Variants in CACNA2D3 observed in about 807,000 individuals in gnomAD.
The protein encoded by CACNA2D3 is voltage-dependent calcium channel subunit alpha-2/delta-3.
A neutral mutation model predicts 160.6 loss-of-function variants in CACNA2D3; 60 were observed. That is an observed-to-expected ratio of 0.37 (90% confidence interval 0.30 to 0.46). CACNA2D3 has a LOEUF of 0.46. Among genes scored for constraint, CACNA2D3 ranks in the 20% least tolerant of loss-of-function variants. The pLI is 1.00. For missense variants in CACNA2D3, 1,205 were observed against 1,365.0 expected (o/e 0.88, Z 1.85); for synonymous variants, 558 against 492.9 (o/e 1.13, Z -1.75).
chr3:54,814,644 G>T lies in CACNA2D3; in HGVS notation c.1381-2209G>T, dbSNP rs72874273. On this transcript the variant is annotated intron_variant, in intron 13 of 37. Coordinates refer to ENST00000474759, the MANE Select transcript of CACNA2D3 (RefSeq NM_018398.3). ...AGTAGGAAAGTTGCTCTTTGTTCTCGTAAGTTATTTCTTGAGGAAAATATA... is the reference window on the plus strand; with the variant it reads ...AGTAGGAAAGTTGCTCTTTGTTCTCTTAAGTTATTTCTTGAGGAAAATATA... Among the ~76,000 whole-genome samples, 147 of 152,316 alleles carry T rather than the reference G, an allele frequency of 9.7e-4. 1 individual carries two copies. The highest frequency in any genetic ancestry group is 3.5e-3 in the African/African-American group (146 of 41,574).
At chr3:54,962,914 A>T (rs139039835) in intron 27 of CACNA2D3, among the ~76,000 whole-genome samples, 321 of 152,320 alleles carry the variant, frequency 2.1e-3, no homozygotes, top group African/African-American at 7.2e-3. Context: ...ATTATTTCTA[A>T]ATGAATACGA....
At chr3:54,573,265 A>G (rs183316891) in intron 8 of CACNA2D3, among the ~76,000 whole-genome samples, 7 of 152,342 alleles carry the variant, frequency 4.6e-5, no homozygotes, top group African/African-American at 7.2e-5. Context: ...TGGATAAGAG[A>G]ATGGATCAGA....
intron 2 of CACNA2D3, among the ~76,000 whole-genome samples, chr3:54,196,455 G>A (rs1049653953): frequency 1.3e-5 from 2 of 152,124 alleles, no homozygotes; most frequent in Admixed American, 1.3e-4. Flanking sequence ...ACTTGAGTCT[G>A]GAAAGCCTTT....
chr3:54,870,132 G>A (rs1308949330), intron 17 of CACNA2D3, among the ~76,000 whole-genome samples: 3 of 152,154 alleles, frequency 2.0e-5, no homozygotes, highest in Non-Finnish European at 4.4e-5. Flanking sequence ...AGAAAAGAGT[G>A]CATGCGTGGA....
At chr3:54,961,395 A>G (rs1261176795) in intron 27 of CACNA2D3, among the ~76,000 whole-genome samples, 2 of 152,218 alleles carry the variant, frequency 1.3e-5, no homozygotes, top group Admixed American at 6.5e-5. Flanking sequence ...GATGAAATAT[A>G]TGGGAAATCC....
At chr3:54,509,688 C>T (rs1163750095) in intron 5 of CACNA2D3, among the ~76,000 whole-genome samples, 1 of 152,130 alleles carries the variant, frequency 6.6e-6, no homozygotes, top group African/African-American at 2.4e-5. Flanking sequence ...GCAATATGAG[C>T]ATAATAGGAC....
At chr3:54,367,807 T>C (rs1698852313) in intron 3 of CACNA2D3, among the ~76,000 whole-genome samples, 1 of 152,206 alleles carries the variant, frequency 6.6e-6, no homozygotes, top group Non-Finnish European at 1.5e-5. Context: ...TTGGACTTTT[T>C]AACACTCGTT....
At chr3:54,205,178 C>T (rs1214234706) in intron 2 of CACNA2D3, among the ~76,000 whole-genome samples, 1 of 152,094 alleles carries the variant, frequency 6.6e-6, no homozygotes, top group Non-Finnish European at 1.5e-5. Context: ...AAAGTTATCA[C>T]AGATATAAAA....
intron 9 of CACNA2D3, among the ~76,000 whole-genome samples, chr3:54,617,818 A>G (rs551590596): frequency 8.5e-4 from 130 of 152,242 alleles, no homozygotes; most frequent in African/African-American, 3.0e-3. Flanking sequence ...GCCAGGAGAT[A>G]CAATAGAGAA....
At chr3:54,427,388 C>G (rs1408796716) in intron 4 of CACNA2D3, among the ~76,000 whole-genome samples, 5 of 152,066 alleles carry the variant, frequency 3.3e-5, no homozygotes, top group Non-Finnish European at 7.3e-5. Flanking sequence ...GGGAGGGCCT[C>G]AGCATCATGC....
intron 27 of CACNA2D3, 98 bp downstream of exon 27, chr3:54,899,966 G>A: frequency 1.2e-6 from 1 of 816,880 alleles, no homozygotes; most frequent in Non-Finnish European, 2.0e-6. Context: ...CCTCCAAAAA[G>A]GTTTTCAAAG....
chr3:54,751,223 C>G (rs1432021177), intron 11 of CACNA2D3, among the ~76,000 whole-genome samples: 1 of 152,118 alleles, frequency 6.6e-6, no homozygotes, highest in Non-Finnish European at 1.5e-5. Context: ...TGTCTGCCTG[C>G]CCATCCACCC....
chr3:54,227,328 A>T (rs1019185534), intron 2 of CACNA2D3, among the ~76,000 whole-genome samples: 2 of 152,100 alleles, frequency 1.3e-5, no homozygotes, highest in Admixed American at 1.3e-4. Flanking sequence ...GGGATAAGCT[A>T]TTAGGCCACA....
At chr3:54,711,400 G>A (rs968284458) in intron 11 of CACNA2D3, among the ~76,000 whole-genome samples, 7 of 152,180 alleles carry the variant, frequency 4.6e-5, no homozygotes, top group Admixed American at 2.0e-4. Context: ...TTTTTATAGC[G>A]ATACTCTCTG....
chr3:54,287,467 A>G, intron 2 of CACNA2D3, among the ~76,000 whole-genome samples: 1 of 150,582 alleles, frequency 6.6e-6, no homozygotes, highest in African/African-American at 2.5e-5. Flanking sequence ...ACTCCCACAC[A>G]ATAATAATGG....
At chr3:54,655,254 A>G (rs2106871362) in intron 11 of CACNA2D3, among the ~76,000 whole-genome samples, 1 of 152,284 alleles carries the variant, frequency 6.6e-6, no homozygotes, top group South Asian at 2.1e-4. Context: ...GAAAAAGGGT[A>G]GTGTCTGGAT....
At chr3:54,694,334 A>C (rs1700622768) in intron 11 of CACNA2D3, among the ~76,000 whole-genome samples, 1 of 152,248 alleles carries the variant, frequency 6.6e-6, no homozygotes, top group African/African-American at 2.4e-5. Context: ...CTATGTACAC[A>C]CTCTAGGTGT....
At chr3:55,065,496 A>G (rs1411140484) in intron 35 of CACNA2D3, among the ~76,000 whole-genome samples, 1 of 152,142 alleles carries the variant, frequency 6.6e-6, no homozygotes. Context: ...GCAAAGAGGT[A>G]TTTCCTTCCA....
chr3:54,528,269 TA>T (rs10660243), intron 5 of CACNA2D3, among the ~76,000 whole-genome samples: 32 of 150,574 alleles, frequency 2.1e-4, no homozygotes, highest in Admixed American at 1.8e-3. Flanking sequence ...ACTTAACAGA[TA>T]AAAAAAAAAT....
Sources: gnomAD v4.1 joint callset for allele counts (sites outside exome capture counted in the v4.1 genomes callset) on GRCh38, gnomAD v4.1.1 for gene constraint, MANE v1.5 for transcripts, NCBI Gene and HGNC (gene_info 2026-07-23, HGNC 2026-07-21) for gene names.